The following SRD5A3 variants were observed in gnomAD, a reference collection of about 807,000 sequenced individuals.
SRD5A3 encodes steroid 5 alpha-reductase 3, also known as polyprenal reductase.
Under a neutral mutation model 34.3 loss-of-function variants are expected in SRD5A3, and 24 were observed. The observed-to-expected ratio is 0.70, with a 90% CI of 0.51 to 0.99. The LOEUF is 0.99. Ranked by LOEUF, SRD5A3 falls within the 50% of genes least tolerant of loss-of-function variation. The pLI is 0.00. For synonymous variants in SRD5A3, 161 were observed against 167.3 expected, an observed-to-expected ratio of 0.96 and a Z score of 0.29; for missense variants, 350 against 388.2, an observed-to-expected ratio of 0.90 and a Z score of 0.83.
chr4:55,348,388 A>G (rs1225534512), intron 1 of SRD5A3, among the ~76,000 whole-genome samples: 1 of 152,188 alleles, frequency 6.6e-6, no homozygotes, highest in East Asian at 1.9e-4. Flanking sequence ...AAAAATTAAT[A>G]CATGTATTAC....
chr4:55,354,968 C>A (rs1264299524), intron 1 of SRD5A3, among the ~76,000 whole-genome samples: 1 of 152,202 alleles, frequency 6.6e-6, no homozygotes, highest in Non-Finnish European at 1.5e-5. Flanking sequence ...TCATTCAGCA[C>A]CTTGTATTAT....
rs767328657 is a variant in SRD5A3, at chr4:55,346,376, C to T, written c.40C>T (p.Pro14Ser). 6 of 1,567,248 alleles carry T rather than the reference C, an allele frequency of 3.8e-6. No individual in the cohort carries two copies. Among genetic ancestry groups the T allele is most frequent in the Non-Finnish European group, 3.5e-6 (4 of 1,159,250 alleles). ...GGAGGCCGAGCACTCGGCGCTGAACCCGCTGCGCGCGGTGTGGCTCACGCT... is the reference window on the plus strand; with the variant it reads ...GGAGGCCGAGCACTCGGCGCTGAACTCGCTGCGCGCGGTGTGGCTCACGCT... ...WAEAEHSALNPLRAVWLTLTA... is the reference protein window; with the variant it reads ...WAEAEHSALNSLRAVWLTLTA... Residue 14 changes from proline (P) to serine (S), a missense_variant, in exon 1 of 5, where the codon CCG becomes TCG. By Grantham distance (74) the Pro-to-Ser change is moderately conservative. Transcript: ENST00000264228.
At chr4:55,363,276 T>A (rs996237586) in intron 2 of SRD5A3, among the ~76,000 whole-genome samples, 4 of 151,776 alleles carry the variant, frequency 2.6e-5, no homozygotes, top group South Asian at 4.2e-4. Context: ...CAAAAAAAAT[T>A]TTTTTTTAAT....
rs532409901 is a variant in SRD5A3, at chr4:55,346,253, G to A, written c.-84G>A. ...ACCGACGTCCCGCTAGGCTGAGACC[G>A]GTGCGCCGCGCGCTAGTGGCCGCTC... On this transcript the variant is annotated 5_prime_UTR_variant, in exon 1 of 5. Coordinates refer to ENST00000264228, the MANE Select transcript of SRD5A3 (RefSeq NM_024592.5). 6.0e-6 allele frequency: 7 copies of A among 1,171,516 alleles called. No individual in the cohort carries two copies. The highest frequency in any genetic ancestry group is 6.7e-6 in the Non-Finnish European group (6 of 899,790). The allele number at this position is 1,171,516 out of a possible 1,614,324, so 72.6% of individuals were successfully genotyped here.
chr4:55,353,749 G>A (rs913570674), intron 1 of SRD5A3, among the ~76,000 whole-genome samples: 1 of 151,734 alleles, frequency 6.6e-6, no homozygotes, highest in African/African-American at 2.4e-5. Context: ...ACTCACTGCC[G>A]AGGTCTGCGG....
intron 2 of SRD5A3, among the ~76,000 whole-genome samples, chr4:55,360,029 G>A (rs771979290): frequency 7.9e-5 from 12 of 151,868 alleles, no homozygotes; most frequent in South Asian, 4.2e-4. Flanking sequence ...TGGCTAACAC[G>A]GTGAAACCCT....
chr4:55,361,224 C>T (rs369444503), intron 2 of SRD5A3, among the ~76,000 whole-genome samples: 9 of 152,108 alleles, frequency 5.9e-5, no homozygotes, highest in African/African-American at 2.2e-4. Context: ...GTTCATGCCT[C>T]TCATCCCAGC....
intron 2 of SRD5A3, among the ~76,000 whole-genome samples, chr4:55,361,673 G>A (rs1719691343): frequency 6.6e-6 from 1 of 151,904 alleles, no homozygotes; most frequent in African/African-American, 2.4e-5. Context: ...ACGTGGTGGC[G>A]CGTGCCTGTA....
chr4:55,359,367 C>A lies in SRD5A3; in HGVS notation c.243C>A (p.Ile81=). Reference sequence around the variant, plus strand: ...GCAGATATTTTTCCCACTTTTATATCATCTCAGTGCTGTGGAATGGCTTCC... The same window carrying A: ...GCAGATATTTTTCCCACTTTTATATAATCTCAGTGCTGTGGAATGGCTTCC... The part of the protein sequence containing the change: ...VPKRYFSHFY[I]ISVLWNGFLL... Residue 81 remains isoleucine (I), a synonymous_variant, in exon 2 of 5, where the codon ATC becomes ATA. Transcript: ENST00000264228. The A allele has an allele frequency of 6.2e-7, 1 of 1,614,050 alleles. No homozygotes were observed. Among genetic ancestry groups the A allele is most frequent in the East Asian group, 2.2e-5 (1 of 44,886 alleles).
chr4:55,352,327 C>T, intron 1 of SRD5A3: 1 of 793,400 alleles, frequency 1.3e-6, no homozygotes. Context: ...TTTAATTTAT[C>T]CTTTTCTGTA....
Position 55,372,761 on chromosome 4 carries a change from T to G in SRD5A3, c.*2670T>G, listed in dbSNP as rs1397560411. 1 of 152,144 alleles carries G rather than the reference T, an allele frequency of 6.6e-6. No individual in the cohort carries two copies. The highest frequency in any genetic ancestry group is 1.5e-5 in the Non-Finnish European group (1 of 68,028). 9.4% of individuals were successfully genotyped at this position (152,144 alleles called of 1,614,324 possible). A position where few individuals can be genotyped will look rare whatever the true frequency, so the allele number is the denominator to read the frequency against. On this transcript the variant is annotated 3_prime_UTR_variant, in exon 5 of 5. Coordinates refer to ENST00000264228, the MANE Select transcript of SRD5A3 (RefSeq NM_024592.5). ...GGGAAATGACATTGAACTACCTCAT[T>G]AGCAGCCTTCCCTTGATTAACTACT...
chr4:55,356,255 C>T (rs1017434002), intron 1 of SRD5A3, among the ~76,000 whole-genome samples: 1 of 152,088 alleles, frequency 6.6e-6, no homozygotes, highest in African/African-American at 2.4e-5. Context: ...GTAATCCGCC[C>T]ACCTCAGCCT....
rs6822705 is a variant in SRD5A3 at position 55,360,075 on chromosome 4, C to T, written c.364+587C>T. On this transcript the variant is annotated intron_variant, in intron 2 of 4. Coordinates refer to ENST00000264228, the MANE Select transcript of SRD5A3 (RefSeq NM_024592.5). ...AAAATACAAAAAAAAGTTAGCTGGG[C>T]ATGGTGGCGGGCACCTGTAGCCCCA... Among the ~76,000 whole-genome samples, 248 of 151,956 alleles carry T rather than the reference C, an allele frequency of 1.6e-3. 1 individual carries two copies. The highest frequency in any genetic ancestry group is 2.5e-3 in the Non-Finnish European group (171 of 67,988).
chr4:55,351,952 T>TA, intron 1 of SRD5A3: 1 of 736,502 alleles, frequency 1.4e-6, no homozygotes, highest in Non-Finnish European at 2.5e-6. Context: ...ATATAAAACT[T>TA]ATGCTGAATT....
chr4:55,351,069 A>C (rs1361145205), intron 1 of SRD5A3, among the ~76,000 whole-genome samples: 1 of 147,974 alleles, frequency 6.8e-6, no homozygotes, highest in East Asian at 2.0e-4. Context: ...TGCCTGGCCT[A>C]AATTTTTTTT....
chr4:55,356,304 C>T (rs773344987), intron 1 of SRD5A3, among the ~76,000 whole-genome samples: 1 of 152,038 alleles, frequency 6.6e-6, no homozygotes, highest in South Asian at 2.1e-4. Flanking sequence ...CCACTGCACC[C>T]GGCCTCTTTT....
intron 1 of SRD5A3, among the ~76,000 whole-genome samples, chr4:55,347,638 T>A (rs116612459): frequency 0.02 from 2,991 of 151,012 alleles, 55 homozygotes; most frequent in African/African-American, 0.05. Context: ...TAAAAAAAAT[T>A]TTTTTTTAAA....
intron 2 of SRD5A3, among the ~76,000 whole-genome samples, chr4:55,363,382 C>T (rs189850523): frequency 6.6e-6 from 1 of 152,082 alleles, no homozygotes; most frequent in South Asian, 2.1e-4. Context: ...TGCAGTGAGG[C>T]CTGACTGTGC....
chr4:55,364,391 T>A, intron 3 of SRD5A3, 120 bp downstream of exon 3: 2 of 1,207,730 alleles, frequency 1.7e-6, no homozygotes, highest in Non-Finnish European at 2.4e-6. Context: ...CCAATGCATT[T>A]TGCATTTCAG....
Sources: allele counts gnomAD v4.1 joint callset (sites outside exome capture counted in the v4.1 genomes callset), GRCh38; gene constraint gnomAD v4.1.1; transcripts MANE v1.5; gene names NCBI Gene and HGNC (gene_info 2026-07-23, HGNC 2026-07-21).